The following ELOVL6 variants were observed in gnomAD, a reference collection of about 807,000 sequenced individuals.
ELOVL6 encodes the protein very long chain fatty acid elongase 6.
Under a neutral mutation model 31.7 loss-of-function variants are expected in ELOVL6, and 8 were observed. The ratio of observed to expected loss-of-function variants is 0.25; its 90% CI spans 0.15 to 0.45. The LOEUF is 0.45. ELOVL6 is among the 20% of genes least tolerant of loss of function. The pLI is 1.00. For synonymous variants in ELOVL6, 101 were observed against 117.7 expected (o/e 0.86, Z 0.92); for missense variants, 126 against 326.4 (o/e 0.39, Z 4.73).
intron 1 of ELOVL6, among the ~76,000 whole-genome samples, chr4:110,173,670 AAATAATAATAATAAT>A (rs148753272): frequency 4.3e-5 from 6 of 140,946 alleles, no homozygotes; most frequent in African/African-American, 1.3e-4. Flanking sequence ...AGGTAAAGGA[AAATAATAATAATAAT>A]AATAATAATA....
chr4:110,068,048 A>G (rs12500286), intron 2 of ELOVL6, among the ~76,000 whole-genome samples: 52,867 of 151,974 alleles, frequency 0.35, 12,154 homozygotes, highest in East Asian at 0.73. Flanking sequence ...GTGGGGAATC[A>G]GACAATCAAT....
intron 2 of ELOVL6, 66 bp downstream of exon 2, chr4:110,105,431 A>G: frequency 6.9e-7 from 1 of 1,457,032 alleles, no homozygotes; most frequent in South Asian, 1.3e-5. Context: ...CAAATGCTCA[A>G]TCATTGCATT....
At chr4:110,104,965 T>C (rs975172245) in intron 2 of ELOVL6, among the ~76,000 whole-genome samples, 2 of 152,214 alleles carry the variant, frequency 1.3e-5, no homozygotes, top group African/African-American at 4.8e-5. Context: ...CATAAACACA[T>C]GTCTGCAAGT....
At chr4:110,158,649 ATATATATATT>A (rs1461905166) in intron 1 of ELOVL6, among the ~76,000 whole-genome samples, 17 of 91,754 alleles carry the variant, frequency 1.9e-4, no homozygotes, top group South Asian at 3.4e-4. Context: ...ATATATATAT[ATATATATATT>A]TTTTTTTTTT....
At chr4:110,122,850 C>T (rs555098684) in intron 1 of ELOVL6, among the ~76,000 whole-genome samples, 2 of 152,342 alleles carry the variant, frequency 1.3e-5, no homozygotes, top group South Asian at 4.1e-4. Context: ...ACGTTGAATG[C>T]CCTTCCCATG....
At position 110,172,328 on chromosome 4, in the gene ELOVL6, A is replaced by G. The variant is rs187140995; in HGVS notation, c.89+25919T>C. On this transcript the variant is annotated intron_variant, in intron 1 of 3. Coordinates refer to ENST00000302274, the MANE Select transcript of ELOVL6 (RefSeq NM_024090.3). ...TTTTGAGTTTTTCCACTCACATACA[A>G]AAGACGTCTTTAACAGAAGCACACT... Among the ~76,000 whole-genome samples the G allele has an allele frequency of 5.6e-4, 86 of 152,312 alleles. 1 individual carries two copies. The highest frequency in any genetic ancestry group is 2.2e-4 in the Non-Finnish European group (15 of 68,024).
At chr4:110,071,934 T>C (rs1194085390) in intron 2 of ELOVL6, among the ~76,000 whole-genome samples, 2 of 152,238 alleles carry the variant, frequency 1.3e-5, no homozygotes, top group Admixed American at 1.3e-4. Flanking sequence ...GTGAACTCTT[T>C]GGCTGATAAC....
Position 110,137,210 on chromosome 4 carries a change from T to C in ELOVL6, c.90-31582A>G, listed in dbSNP as rs377257931. Among the ~76,000 whole-genome samples, 8 of 152,330 alleles carry C rather than the reference T, an allele frequency of 5.3e-5. 1 individual carries two copies. The highest frequency in any genetic ancestry group is 1.9e-4 in the African/African-American group (8 of 41,592). On this transcript the variant is annotated intron_variant, in intron 1 of 3. Coordinates refer to ENST00000302274, the MANE Select transcript of ELOVL6 (RefSeq NM_024090.3). The stretch of plus-strand genomic sequence containing the variant: ...AAGGAAATTTTAGTTCCTTCCAGCA[T>C]TAGAATTCCGTGATTCTCTGACTCT...
chr4:110,071,206 A>C (rs966410456), intron 2 of ELOVL6, among the ~76,000 whole-genome samples: 1 of 152,192 alleles, frequency 6.6e-6, no homozygotes, highest in Admixed American at 6.5e-5. Context: ...CTTTGGGTTC[A>C]TTAACCTAAA....
chr4:110,191,538 T>C (rs1416496011), intron 1 of ELOVL6, among the ~76,000 whole-genome samples: 1 of 152,214 alleles, frequency 6.6e-6, no homozygotes, highest in Non-Finnish European at 1.5e-5. Context: ...TGTGTCCATA[T>C]GTGAAAAATT....
intron 2 of ELOVL6, among the ~76,000 whole-genome samples, chr4:110,096,263 G>A (rs1437048181): frequency 6.6e-6 from 1 of 152,130 alleles, no homozygotes; most frequent in Admixed American, 6.6e-5. Flanking sequence ...AGACTGTCCT[G>A]AGCAGACCAA....
At chr4:110,139,081 T>C (rs577787478) in intron 1 of ELOVL6, among the ~76,000 whole-genome samples, 1 of 152,290 alleles carries the variant, frequency 6.6e-6, no homozygotes, top group South Asian at 2.1e-4. Context: ...CTTTCATTTC[T>C]TTTTAATTTT....
intron 1 of ELOVL6, among the ~76,000 whole-genome samples, chr4:110,184,632 C>T (rs1759387691): frequency 6.6e-6 from 1 of 151,940 alleles, no homozygotes; most frequent in African/African-American, 2.4e-5. Context: ...AAAAGTAGTC[C>T]TGGGGAGCTA....
intron 2 of ELOVL6, among the ~76,000 whole-genome samples, chr4:110,079,844 C>G (rs1246354361): frequency 6.6e-6 from 1 of 151,938 alleles, no homozygotes; most frequent in Non-Finnish European, 1.5e-5. Flanking sequence ...CGACCACTAG[C>G]AAGACTAATA....
At chr4:110,070,902 C>G (rs1488888245) in intron 2 of ELOVL6, among the ~76,000 whole-genome samples, 2 of 152,098 alleles carry the variant, frequency 1.3e-5, no homozygotes, top group Non-Finnish European at 2.9e-5. Flanking sequence ...ATTAATCAGC[C>G]TCAGGTAGCT....
chr4:110,082,846 T>C (rs534780539), intron 2 of ELOVL6, among the ~76,000 whole-genome samples: 1 of 152,362 alleles, frequency 6.6e-6, no homozygotes, highest in African/African-American at 2.4e-5. Flanking sequence ...ATAGGCCATG[T>C]GTGTTTTCAT....
chr4:110,191,039 G>A (rs938430198), intron 1 of ELOVL6, among the ~76,000 whole-genome samples: 6 of 151,846 alleles, frequency 4.0e-5, no homozygotes, highest in South Asian at 4.2e-4. Context: ...GGCTGGTCTC[G>A]AACTCCTGAC....
chr4:110,099,810 A>G (rs1756688823), intron 2 of ELOVL6, among the ~76,000 whole-genome samples: 1 of 152,210 alleles, frequency 6.6e-6, no homozygotes. Context: ...CAACTGTAGT[A>G]ACCCAGCTGA....
intron 2 of ELOVL6, among the ~76,000 whole-genome samples, chr4:110,095,479 T>TAA (rs1180343593): frequency 5.6e-4 from 69 of 123,740 alleles, no homozygotes; most frequent in African/African-American, 2.5e-3. Flanking sequence ...GAAACTGTCT[T>TAA]TAAAAAAAAA....
Sources: allele counts gnomAD v4.1 joint callset (sites outside exome capture counted in the v4.1 genomes callset), GRCh38; gene constraint gnomAD v4.1.1; transcripts MANE v1.5; gene names NCBI Gene and HGNC (gene_info 2026-07-23, HGNC 2026-07-21).